The following TSPAN1 variants were observed in gnomAD, a reference collection of about 807,000 sequenced individuals.
TSPAN1 encodes the protein tetraspanin-1.
A neutral mutation model predicts 26.9 loss-of-function variants in TSPAN1; 23 were observed. That is an observed-to-expected ratio of 0.85 (90% CI 0.62 to 1.21). TSPAN1 has a LOEUF of 1.21. Ranked by LOEUF, TSPAN1 falls within the 50% of genes most tolerant of loss-of-function variation. The pLI, the probability that TSPAN1 is intolerant of heterozygous loss-of-function variation, is 0.00. For missense variants in TSPAN1, 283 were observed against 298.4 expected (o/e 0.95, Z 0.38); for synonymous variants, 115 against 114.8 (o/e 1.00, Z -0.01).
At chr1:46,195,104 C>T in the TSPAN1 span, 3 of 777,620 alleles carry the variant, frequency 3.9e-6, no homozygotes, top group Non-Finnish European at 6.7e-6. Context: ...CTCTCTTTCA[C>T]AGATAAAATA....
At chr1:46,193,198 G>A in the TSPAN1 span, 4 of 1,614,230 alleles carry the variant, frequency 2.5e-6, no homozygotes, top group South Asian at 1.1e-5. Flanking sequence ...AAGTGGCAGT[G>A]AGGCTGGCCT....
chr1:46,177,241 A>G (rs1657194749), intron 1 of TSPAN1, among the ~76,000 whole-genome samples: 1 of 152,136 alleles, frequency 6.6e-6, no homozygotes, highest in South Asian at 2.1e-4. Flanking sequence ...AGGCTGAGAC[A>G]GGAGAATAGC....
chr1:46,193,477 G>A, the TSPAN1 span: 2 of 1,610,824 alleles, frequency 1.2e-6, no homozygotes, highest in Non-Finnish European at 1.7e-6. Flanking sequence ...CACAGCCCTT[G>A]CCTGGGCGGT....
chr1:46,178,354 CA>C (rs34457165), intron 1 of TSPAN1, among the ~76,000 whole-genome samples: 383 of 141,894 alleles, frequency 2.7e-3, no homozygotes, highest in African/African-American at 5.1e-3. Context: ...GAGATTCTGT[CA>C]AAAAAAAAAA....
the TSPAN1 span, chr1:46,192,694 TGGAGTACCTCCTTCCC>T: frequency 6.2e-7 from 1 of 1,600,338 alleles, no homozygotes; most frequent in Non-Finnish European, 8.5e-7. Context: ...ACCTCCTTCC[TGGAGTACCTCCTTCCC>T]CCAAATCCCC....
the TSPAN1 span, chr1:46,194,223 C>G: frequency 1.2e-6 from 2 of 1,614,082 alleles, no homozygotes; most frequent in East Asian, 4.5e-5. Flanking sequence ...TGGGGCCCCC[C>G]TGCTGAGCTG....
downstream of TSPAN1, chr1:46,189,330 T>G (rs886043958): frequency 3.0e-5 from 48 of 1,613,604 alleles, no homozygotes; most frequent in Non-Finnish European, 3.9e-5. Flanking sequence ...CCAGGAAAAT[T>G]GGGGTGACTG....
chr1:46,180,387 G>A (rs1165558321), intron 1 of TSPAN1, 139 bp from the exon 2 acceptor site: 2 of 152,570 alleles, frequency 1.3e-5, no homozygotes, highest in East Asian at 3.9e-4. Context: ...GTTGCCAGGT[G>A]GAGGCCTGCT....
intron 1 of TSPAN1, among the ~76,000 whole-genome samples, chr1:46,177,259 C>T (rs1476234438): frequency 6.6e-6 from 1 of 151,768 alleles, no homozygotes. Context: ...AGCTTGAACC[C>T]AGGAGGTGGA....
the TSPAN1 span, chr1:46,192,573 A>G: frequency 1.2e-6 from 2 of 1,614,106 alleles, no homozygotes; most frequent in South Asian, 2.2e-5. Flanking sequence ...CAGTAGGTGG[A>G]TGGATTGGCT....
downstream of TSPAN1, among the ~76,000 whole-genome samples, chr1:46,186,569 C>T (rs1366203867): frequency 2.7e-5 from 4 of 148,560 alleles, no homozygotes; most frequent in Admixed American, 1.3e-4. Context: ...CGGCTCACTG[C>T]GGACTCTGCC....
At chr1:46,176,274 G>GTTGATA (rs1174053387) in intron 1 of TSPAN1, 1 of 1,535,690 alleles carries the variant, frequency 6.5e-7, no homozygotes, top group Non-Finnish European at 8.7e-7. Flanking sequence ...TGTGGGTGTT[G>GTTGATA]TTGATACCCA....
the TSPAN1 span, chr1:46,194,841 C>T: frequency 2.4e-5 from 38 of 1,614,022 alleles, no homozygotes; most frequent in Non-Finnish European, 3.1e-5. Flanking sequence ...CTGATGCCGG[C>T]ACCTCCTTTT....
downstream of TSPAN1, chr1:46,189,362 G>A (rs1392732237): frequency 6.2e-7 from 1 of 1,613,982 alleles, no homozygotes; most frequent in Non-Finnish European, 8.5e-7. Context: ...TTCACTCTGG[G>A]AAAATAATAC....
chr1:46,186,969 G>T (rs938389373), downstream of TSPAN1, among the ~76,000 whole-genome samples: 2 of 151,916 alleles, frequency 1.3e-5, no homozygotes, highest in African/African-American at 4.8e-5. Context: ...GCCACGCCCG[G>T]CTAACTTTTT....
At position 46,184,989 on chromosome 1, in the gene TSPAN1, G is replaced by T. The variant is rs146559665; in HGVS notation, c.468G>T (p.Thr156=). ...GLKCCGFTNY[T]DFEDSPYFKE... Reference sequence around the variant, plus strand: ...AGTGCTGTGGCTTCACCAACTATACGGATTTTGAGGACTCACCCTACTTCA... The same window carrying T: ...AGTGCTGTGGCTTCACCAACTATACTGATTTTGAGGACTCACCCTACTTCA... Residue 156 remains threonine (T), a synonymous_variant, in exon 7 of 9, where the codon ACG becomes ACT. Transcript: ENST00000372003. 16 of 1,614,000 alleles carry T rather than the reference G, an allele frequency of 9.9e-6. No homozygotes were observed. The African/African-American group carries it at 2.1e-4, about 22-fold the overall frequency.
intron 3 of TSPAN1, among the ~76,000 whole-genome samples, chr1:46,182,169 T>C (rs1477764761): frequency 2.0e-5 from 3 of 150,914 alleles, no homozygotes; most frequent in African/African-American, 7.3e-5. Flanking sequence ...GTGTACCCAG[T>C]GGAGGTGCAG....
intron 1 of TSPAN1, among the ~76,000 whole-genome samples, chr1:46,180,086 G>C (rs1429630760): frequency 6.6e-6 from 1 of 152,182 alleles, no homozygotes; most frequent in East Asian, 1.9e-4. Context: ...AAAGAATTTA[G>C]TGTGCGTGTG....
Position 46,185,831 on chromosome 1 carries a change from G to A in TSPAN1, c.*298G>A. ...CCTTGATATGCCCCCTAGGCCTAGT[G>A]GTGATCCCAGTGCTCTACTGGGGGA... On this transcript the variant is annotated 3_prime_UTR_variant, in exon 9 of 9. Transcript: ENST00000372003. 2.0e-6 allele frequency: 1 copy of A among 498,554 alleles called. No homozygotes were observed. The highest frequency in any genetic ancestry group is 3.6e-5 in the East Asian group (1 of 27,904). 30.9% of individuals were successfully genotyped at this position (498,554 alleles called of 1,614,324 possible). A position where few individuals can be genotyped will look rare whatever the true frequency, so the allele number is the denominator to read the frequency against.
Sources: allele counts gnomAD v4.1 joint callset (sites outside exome capture counted in the v4.1 genomes callset), GRCh38; gene constraint gnomAD v4.1.1; transcripts MANE v1.5; gene names NCBI Gene and HGNC (gene_info 2026-07-23, HGNC 2026-07-21).